The following RGPD6 variants were observed in gnomAD, a reference collection of about 807,000 sequenced individuals.
The protein encoded by RGPD6 is RANBP2 like and GRIP domain containing 6.
chr2:110,605,663 C>A, the RGPD6 span, among the ~76,000 whole-genome samples: 2 of 151,576 alleles, frequency 1.3e-5, no homozygotes, highest in East Asian at 1.9e-4. Context: ...CGCATGTCCC[C>A]TGGCAGTTGA....
At chr2:110,576,897 C>G (rs1348341485) in intron 1 of RGPD6, 56 bp downstream of exon 1, 3 of 245,714 alleles carry the variant, frequency 1.2e-5, no homozygotes, top group Non-Finnish European at 1.8e-5. Flanking sequence ...CGCCGCCCCC[C>G]CCCTCCCCCC....
At chr2:110,606,787 C>G in the RGPD6 span, among the ~76,000 whole-genome samples, 1 of 151,286 alleles carries the variant, frequency 6.6e-6, no homozygotes, top group African/African-American at 2.5e-5. Context: ...GTTCAAAGGC[C>G]ACCTATTTCA....
chr2:110,610,683 G>A, the RGPD6 span, among the ~76,000 whole-genome samples: 1 of 132,730 alleles, frequency 7.5e-6, no homozygotes, highest in South Asian at 2.4e-4. Flanking sequence ...CGCCGCTCCC[G>A]CCCGCCCGAA....
At chr2:110,599,811 C>CT in the RGPD6 span, among the ~76,000 whole-genome samples, 1 of 100,800 alleles carries the variant, frequency 9.9e-6, no homozygotes, top group East Asian at 2.9e-4. Context: ...ACATACCCTA[C>CT]TTCCTTTCAG....
At chr2:110,591,479 G>T in the RGPD6 span, among the ~76,000 whole-genome samples, 9 of 149,644 alleles carry the variant, frequency 6.0e-5, no homozygotes, top group Non-Finnish European at 4.4e-5. Flanking sequence ...CTATCAAAAT[G>T]TCTTTAGCAG....
the RGPD6 span, among the ~76,000 whole-genome samples, chr2:110,605,246 C>T: frequency 6.6e-6 from 1 of 151,816 alleles, no homozygotes; most frequent in African/African-American, 2.4e-5. Context: ...CCACTGCTGC[C>T]CACAGCCCTA....
the RGPD6 span, among the ~76,000 whole-genome samples, chr2:110,604,017 A>C: frequency 4.9e-5 from 7 of 143,606 alleles, no homozygotes; most frequent in Non-Finnish European, 1.1e-4. Context: ...CACAGTGCCA[A>C]ATGAAGTCAT....
At chr2:110,607,725 C>CATA in the RGPD6 span, among the ~76,000 whole-genome samples, 2 of 146,906 alleles carry the variant, frequency 1.4e-5, no homozygotes, top group African/African-American at 5.2e-5. Context: ...TCTCTTTTGC[C>CATA]ATTAATCTGT....
At chr2:110,600,015 C>T in the RGPD6 span, among the ~76,000 whole-genome samples, 1 of 151,990 alleles carries the variant, frequency 6.6e-6, no homozygotes, top group South Asian at 2.1e-4. Flanking sequence ...CTGTCCTCTC[C>T]TGCACGTAGA....
the RGPD6 span, among the ~76,000 whole-genome samples, chr2:110,610,597 A>ACCCC: frequency 2.0e-5 from 1 of 50,140 alleles, no homozygotes. Flanking sequence ...CCCCCGACCC[A>ACCCC]CCCCACCCCC....
chr2:110,589,377 G>A, the RGPD6 span, among the ~76,000 whole-genome samples: 12 of 151,846 alleles, frequency 7.9e-5, no homozygotes, highest in South Asian at 2.1e-4. Context: ...AAAATAAAAT[G>A]AAATAAAACG....
chr2:110,593,147 T>C, the RGPD6 span, among the ~76,000 whole-genome samples: 1 of 148,218 alleles, frequency 6.7e-6, no homozygotes, highest in Non-Finnish European at 1.5e-5. Context: ...TTAAATCTCT[T>C]ACAACAGCCC....
At chr2:110,608,785 TGTAA>T in the RGPD6 span, among the ~76,000 whole-genome samples, 11 of 99,126 alleles carry the variant, frequency 1.1e-4, no homozygotes, top group East Asian at 7.3e-4. Flanking sequence ...TTAAAAAACG[TGTAA>T]GTTTTTGTTT....
At chr2:110,591,638 T>C in the RGPD6 span, among the ~76,000 whole-genome samples, 1 of 151,762 alleles carries the variant, frequency 6.6e-6, no homozygotes, top group South Asian at 2.1e-4. Flanking sequence ...ACTGCACCCC[T>C]GTCCCCAAAG....
the RGPD6 span, among the ~76,000 whole-genome samples, chr2:110,605,939 C>A: frequency 6.6e-6 from 1 of 151,556 alleles, no homozygotes; most frequent in South Asian, 2.1e-4. Flanking sequence ...GTGCCCATGC[C>A]CCCTCAAGCA....
At chr2:110,576,914 G>C in intron 1 of RGPD6, 39 bp downstream of exon 1, 2 of 135,834 alleles carry the variant, frequency 1.5e-5, no homozygotes, top group Middle Eastern at 3.6e-3. Flanking sequence ...CCCCCCGGCC[G>C]GGTCGAGGCC....
chr2:110,607,657 A>G, the RGPD6 span, among the ~76,000 whole-genome samples: 5 of 147,328 alleles, frequency 3.4e-5, no homozygotes, highest in East Asian at 2.0e-4. Context: ...ATAAATTCCA[A>G]TTTGTTCAAT....
chr2:110,605,922 A>G, the RGPD6 span, among the ~76,000 whole-genome samples: 1 of 151,502 alleles, frequency 6.6e-6, no homozygotes, highest in Non-Finnish European at 1.5e-5. Flanking sequence ...CTTACTTTCA[A>G]CAGGATGTGC....
the RGPD6 span, among the ~76,000 whole-genome samples, chr2:110,606,033 C>A: frequency 1.3e-5 from 2 of 151,628 alleles, no homozygotes; most frequent in Admixed American, 6.6e-5. Flanking sequence ...TGTCCTTTGA[C>A]CCCTGTACAG....
Sources: allele counts gnomAD v4.1 joint callset (sites outside exome capture counted in the v4.1 genomes callset), GRCh38; gene constraint gnomAD v4.1.1; transcripts MANE v1.5; gene names NCBI Gene and HGNC (gene_info 2026-07-23, HGNC 2026-07-21).